CSMD1: variants seen among roughly 807,000 people sequenced by gnomAD.
CSMD1 encodes the protein CUB and Sushi multiple domains 1.
In CSMD1, 213 loss-of-function variants were observed where a neutral mutation model predicts 417.5. The ratio of observed to expected loss-of-function variants is 0.51; its 90% CI spans 0.46 to 0.57. CSMD1 has a LOEUF of 0.57. Among genes scored for constraint, CSMD1 ranks in the 20% least tolerant of loss-of-function variants. The pLI, the probability that CSMD1 is intolerant of heterozygous loss-of-function variation, is 0.00. For missense variants in CSMD1, 6,923 were observed against 4,529.7 expected, an observed-to-expected ratio of 1.53 and a Z score of -15.17; for synonymous variants, 2,862 against 1,736.8, an observed-to-expected ratio of 1.65 and a Z score of -16.11.
At chr8:3,668,742 C>T (rs1231693276) in intron 7 of CSMD1, among the ~76,000 whole-genome samples, 3 of 152,086 alleles carry the variant, frequency 2.0e-5, no homozygotes, top group African/African-American at 4.8e-5. Context: ...GGGGCCAACG[C>T]TAGGGAAGAC....
At chr8:4,935,412 G>T (rs1807546656) in intron 1 of CSMD1, among the ~76,000 whole-genome samples, 1 of 152,186 alleles carries the variant, frequency 6.6e-6, no homozygotes, top group African/African-American at 2.4e-5. Flanking sequence ...ACTCTGTGTT[G>T]AAGTTACCGG....
chr8:4,747,417 A>G (rs1811030475), intron 1 of CSMD1, among the ~76,000 whole-genome samples: 1 of 152,182 alleles, frequency 6.6e-6, no homozygotes. Context: ...GAGCAATACA[A>G]TAGTGTGTTA....
intron 1 of CSMD1, among the ~76,000 whole-genome samples, chr8:4,664,170 G>A (rs1312992716): frequency 6.6e-6 from 1 of 152,180 alleles, no homozygotes; most frequent in Non-Finnish European, 1.5e-5. Flanking sequence ...CTCTCCCTGC[G>A]CATCTCAAAG....
intron 5 of CSMD1, among the ~76,000 whole-genome samples, chr8:3,755,684 T>C (rs2129054401): frequency 6.6e-6 from 1 of 152,280 alleles, no homozygotes; most frequent in Non-Finnish European, 1.5e-5. Context: ...ATAGTCAAGC[T>C]TTCTGATGTC....
chr8:4,168,210 T>C (rs1316323434), intron 3 of CSMD1, among the ~76,000 whole-genome samples: 5 of 151,138 alleles, frequency 3.3e-5, no homozygotes, highest in South Asian at 2.1e-4. Context: ...TATATACATA[T>C]ACACACACAT....
chr8:3,416,356 G>T (rs1421403892), intron 12 of CSMD1, among the ~76,000 whole-genome samples: 2 of 149,866 alleles, frequency 1.3e-5, no homozygotes, highest in African/African-American at 4.9e-5. Flanking sequence ...TAGAAAACTG[G>T]CCCTTTAACA....
At chr8:4,875,183 T>C (rs1802972172) in intron 1 of CSMD1, among the ~76,000 whole-genome samples, 1 of 152,028 alleles carries the variant, frequency 6.6e-6, no homozygotes, top group Non-Finnish European at 1.5e-5. Context: ...TTCGTGTCTC[T>C]TTCTCTGTAC....
chr8:4,767,845 G>C (rs970535936), intron 1 of CSMD1, among the ~76,000 whole-genome samples: 2 of 152,146 alleles, frequency 1.3e-5, no homozygotes, highest in Non-Finnish European at 2.9e-5. Context: ...GCCCAGGAGT[G>C]TCCCTCTCCT....
chr8:3,399,909 C>T (rs145036930), intron 15 of CSMD1, among the ~76,000 whole-genome samples: 101 of 152,264 alleles, frequency 6.6e-4, no homozygotes, highest in African/African-American at 2.4e-3. Context: ...AATGACCTTA[C>T]ATCTCAAGAT....
At chr8:3,089,712 T>A (rs529706559) in intron 48 of CSMD1, among the ~76,000 whole-genome samples, 1 of 151,518 alleles carries the variant, frequency 6.6e-6, no homozygotes, top group South Asian at 2.1e-4. Flanking sequence ...AAGAATTTTT[T>A]ATATTCACAT....
At chr8:3,533,948 G>A (rs1038022175) in intron 10 of CSMD1, among the ~76,000 whole-genome samples, 9 of 152,102 alleles carry the variant, frequency 5.9e-5, no homozygotes, top group Non-Finnish European at 8.8e-5. Context: ...ACTCTCTAAG[G>A]ATAAGAGGGC....
At chr8:3,843,884 T>G (rs1032292251) in intron 5 of CSMD1, among the ~76,000 whole-genome samples, 2 of 152,160 alleles carry the variant, frequency 1.3e-5, no homozygotes, top group Non-Finnish European at 2.9e-5. Context: ...TGAGTACAAT[T>G]TAGAGTAACG....
chr8:3,631,254 T>C (rs1351436331), intron 7 of CSMD1, among the ~76,000 whole-genome samples: 1 of 152,196 alleles, frequency 6.6e-6, no homozygotes, highest in Admixed American at 6.5e-5. Flanking sequence ...GTATCCTTCG[T>C]CGACTCAGCA....
At chr8:3,453,183 C>T (rs1296808661) in intron 12 of CSMD1, among the ~76,000 whole-genome samples, 2 of 151,840 alleles carry the variant, frequency 1.3e-5, no homozygotes, top group Admixed American at 6.6e-5. Context: ...TTTTTTATTG[C>T]TTCTATTTGA....
intron 5 of CSMD1, among the ~76,000 whole-genome samples, chr8:3,921,049 G>T (rs549223741): frequency 6.6e-5 from 10 of 152,082 alleles, no homozygotes; most frequent in Admixed American, 6.6e-4. Flanking sequence ...CGTTGGTTTA[G>T]TGTTTCTTTA....
intron 4 of CSMD1, among the ~76,000 whole-genome samples, chr8:4,028,424 T>C (rs897228590): frequency 6.6e-6 from 1 of 152,012 alleles, no homozygotes; most frequent in African/African-American, 2.4e-5. Context: ...GTGGTAGTAG[T>C]AGCAGTCATC....
chr8:4,843,805 G>A (rs548185055), intron 1 of CSMD1, among the ~76,000 whole-genome samples: 2 of 152,302 alleles, frequency 1.3e-5, no homozygotes, highest in East Asian at 1.9e-4. Flanking sequence ...CTGATACAAC[G>A]TAAAATAGAA....
chr8:4,718,018 C>T (rs928389640), intron 1 of CSMD1, among the ~76,000 whole-genome samples: 2 of 151,984 alleles, frequency 1.3e-5, no homozygotes, highest in South Asian at 2.1e-4. Context: ...TGCTCTGTAC[C>T]CCAGGCTGGA....
intron 5 of CSMD1, among the ~76,000 whole-genome samples, chr8:3,781,514 T>C (rs143073324): frequency 2.6e-5 from 4 of 152,248 alleles, no homozygotes; most frequent in African/African-American, 9.6e-5. Context: ...AGGTGTGCGA[T>C]TGTGGACATG....
Sources: gnomAD v4.1 joint callset for allele counts (sites outside exome capture counted in the v4.1 genomes callset) on GRCh38, gnomAD v4.1.1 for gene constraint, MANE v1.5 for transcripts, NCBI Gene and HGNC (gene_info 2026-07-23, HGNC 2026-07-21) for gene names.